The following TRUB1 variants were observed in gnomAD, a reference collection of about 807,000 sequenced individuals.
TRUB1 encodes pseudouridylate synthase TRUB1.
In TRUB1, 23 loss-of-function variants were observed where a neutral mutation model predicts 33.9. The observed-to-expected ratio is 0.68, with a 90% CI of 0.49 to 0.96. The LOEUF (loss-of-function observed/expected upper bound fraction) is 0.96. Among genes scored for constraint, TRUB1 ranks in the 40% least tolerant of loss-of-function variants. The pLI, the probability that TRUB1 is intolerant of heterozygous loss-of-function variation, is 0.00. For missense variants in TRUB1, 378 were observed against 422.2 expected (o/e 0.90, Z 0.92); for synonymous variants, 163 against 165.4 (o/e 0.99, Z 0.11).
chr10:114,938,542 A>G lies in TRUB1; in HGVS notation c.286+3A>G. 6.6e-7 allele frequency: 1 copy of G among 1,524,472 alleles called. No individual in the cohort carries two copies. Among genetic ancestry groups the G allele is most frequent in the Non-Finnish European group, 8.8e-7 (1 of 1,139,066 alleles). The allele number at this position is 1,524,472 out of a possible 1,614,324, so 94.4% of individuals were successfully genotyped here. A position where few individuals can be genotyped will look rare whatever the true frequency, so the allele number is the denominator to read the frequency against. ...GTTGAAGGAGAAGCTGCTGGCAGGTACTGCAGCCCGGGTGGGGACCAGGCT... is the reference window on the plus strand; with the variant it reads ...GTTGAAGGAGAAGCTGCTGGCAGGTGCTGCAGCCCGGGTGGGGACCAGGCT... On this transcript the variant is annotated splice_donor_region_variant and intron_variant, in intron 1 of 7. Coordinates refer to ENST00000298746, the MANE Select transcript of TRUB1 (RefSeq NM_139169.5).
At position 114,958,285 on chromosome 10, in the gene TRUB1, G is replaced by T. The variant is rs138266277; in HGVS notation, c.442-1441G>T. 4.6e-5 allele frequency among the ~76,000 whole-genome samples: 7 copies of T among 152,192 alleles called. No homozygotes were observed. The East Asian group carries it at 1.2e-3, about 25-fold the overall frequency. ...TGGGTGTCTCAGGTGATGAGACTGT[G>T]TTTAGTTACAAAAAACTAATTTTTG... On this transcript the variant is annotated intron_variant, in intron 3 of 7. Transcript: ENST00000298746.
intron 3 of TRUB1, among the ~76,000 whole-genome samples, chr10:114,957,920 T>C (rs2084268428): frequency 1.3e-5 from 2 of 152,300 alleles, no homozygotes; most frequent in African/African-American, 4.8e-5. Flanking sequence ...ACCAGATGAG[T>C]CAACTCTAGC....
In TRUB1 at chr10:114,975,385, G is replaced by A. The variant is rs373579925; in HGVS notation, c.*6G>A. 8.6e-5 allele frequency: 132 copies of A among 1,536,398 alleles called. No individual in the cohort carries two copies. The highest frequency in any genetic ancestry group is 1.9e-4 in the South Asian group (15 of 78,498). On this transcript the variant is annotated 3_prime_UTR_variant, in exon 8 of 8. Coordinates refer to ENST00000298746, the MANE Select transcript of TRUB1 (RefSeq NM_139169.5). ...ATGTAATTAAGACGTGTTGAGATTG[G>A]CCTGGGAATATCATCATTTTCTAGT...
chr10:114,949,896 G>GTTT (rs35333718), intron 2 of TRUB1, among the ~76,000 whole-genome samples: 45 of 125,054 alleles, frequency 3.6e-4, no homozygotes, highest in South Asian at 7.9e-4. Context: ...ATCTTTTAAA[G>GTTT]TTTTTTTTTT....
chr10:114,969,217 A>G (rs1225094806), intron 4 of TRUB1, among the ~76,000 whole-genome samples: 1 of 151,140 alleles, frequency 6.6e-6, no homozygotes, highest in African/African-American at 2.4e-5. Context: ...GGATCACCTG[A>G]GGTCAGGAGT....
intron 1 of TRUB1, among the ~76,000 whole-genome samples, chr10:114,940,009 A>T (rs192726965): frequency 6.6e-6 from 1 of 152,222 alleles, no homozygotes; most frequent in East Asian, 1.9e-4. Context: ...CATTCTCATT[A>T]TCCTCGATTT....
chr10:114,954,175 G>A (rs1331572027), intron 3 of TRUB1, among the ~76,000 whole-genome samples: 10 of 152,014 alleles, frequency 6.6e-5, no homozygotes, highest in Admixed American at 6.6e-4. Flanking sequence ...AGTGCAACTA[G>A]AAAAATTAGA....
At chr10:114,967,243 CA>C (rs2084314459) in intron 4 of TRUB1, among the ~76,000 whole-genome samples, 1 of 152,134 alleles carries the variant, frequency 6.6e-6, no homozygotes, top group Non-Finnish European at 1.5e-5. Flanking sequence ...CACCTCCAGA[CA>C]AAAACAAGTG....
Position 114,938,262 on chromosome 10 carries a change from T to C in TRUB1, c.9T>C (p.Ala3=). MA[A]SEAAVVSSPS... ...GTCTGGGCTACAAAAGTATGGCCGCTTCTGAGGCGGCGGTGGTGTCTTCGC... is the reference window on the plus strand; with the variant it reads ...GTCTGGGCTACAAAAGTATGGCCGCCTCTGAGGCGGCGGTGGTGTCTTCGC... Residue 3 remains alanine, a synonymous_variant, in exon 1 of 8, where the codon GCT becomes GCC. Transcript: ENST00000298746. 6.2e-7 allele frequency: 1 copy of C among 1,614,188 alleles called. No homozygotes were observed. The highest frequency in any genetic ancestry group is 8.5e-7 in the Non-Finnish European group (1 of 1,180,018).
chr10:114,953,750 A>G (rs1416188505), intron 3 of TRUB1, among the ~76,000 whole-genome samples: 4 of 152,174 alleles, frequency 2.6e-5, no homozygotes, highest in Non-Finnish European at 5.9e-5. Context: ...AGGTACTGGT[A>G]TCTGCTTCTG....
chr10:114,956,358 A>G (rs949341508), intron 3 of TRUB1, among the ~76,000 whole-genome samples: 2 of 152,218 alleles, frequency 1.3e-5, no homozygotes, highest in African/African-American at 4.8e-5. Flanking sequence ...AATTTAAGCC[A>G]GTGAAAAGAA....
At chr10:114,939,486 TA>T (rs11297334) in intron 1 of TRUB1, among the ~76,000 whole-genome samples, 81,917 of 152,008 alleles carry the variant, frequency 0.54, 24,350 homozygotes, top group African/African-American at 0.77. Flanking sequence ...ATTAAACCAG[TA>T]ACAGGGACTT....
At chr10:114,962,458 A>AT (rs2084288465) in intron 4 of TRUB1, among the ~76,000 whole-genome samples, 1 of 152,254 alleles carries the variant, frequency 6.6e-6, no homozygotes, top group Non-Finnish European at 1.5e-5. Context: ...TGTCTGAAAT[A>AT]ACAGTTAAAA....
At chr10:114,948,230 G>A (rs1052201992) in intron 2 of TRUB1, among the ~76,000 whole-genome samples, 3 of 152,082 alleles carry the variant, frequency 2.0e-5, no homozygotes, top group African/African-American at 7.2e-5. Flanking sequence ...TTCAAATGTG[G>A]TGCCTTTGCT....
At chr10:114,974,504 C>T in intron 7 of TRUB1, 119 bp downstream of exon 7, 2 of 738,264 alleles carry the variant, frequency 2.7e-6, no homozygotes, top group Non-Finnish European at 4.4e-6. Context: ...TGAACTCTTG[C>T]TGCCTTCAGC....
At chr10:114,949,051 T>G (rs976476124) in intron 2 of TRUB1, among the ~76,000 whole-genome samples, 1 of 152,250 alleles carries the variant, frequency 6.6e-6, no homozygotes, top group Non-Finnish European at 1.5e-5. Context: ...AGCGGTTCTC[T>G]CTCTGTTCAT....
At chr10:114,958,461 C>A (rs765560246) in intron 3 of TRUB1, among the ~76,000 whole-genome samples, 54 of 152,230 alleles carry the variant, frequency 3.5e-4, no homozygotes, top group Admixed American at 1.2e-3. Flanking sequence ...TGCATACTTA[C>A]AAGGTTTTGA....
chr10:114,943,614 C>T (rs1032796079), intron 2 of TRUB1, among the ~76,000 whole-genome samples: 6 of 152,174 alleles, frequency 3.9e-5, no homozygotes, highest in Admixed American at 2.0e-4. Flanking sequence ...CATGTGTTAC[C>T]GCTTTTTTTG....
intron 4 of TRUB1, among the ~76,000 whole-genome samples, chr10:114,961,411 G>T (rs2084284754): frequency 6.6e-6 from 1 of 152,104 alleles, no homozygotes; most frequent in Non-Finnish European, 1.5e-5. Flanking sequence ...TTTTAAAATT[G>T]GTTACATGAT....
Sources: gnomAD v4.1 joint callset for allele counts (sites outside exome capture counted in the v4.1 genomes callset) on GRCh38, gnomAD v4.1.1 for gene constraint, MANE v1.5 for transcripts, NCBI Gene and HGNC (gene_info 2026-07-23, HGNC 2026-07-21) for gene names.